Variants in TDP1 observed in about 807,000 individuals in gnomAD.
TDP1 encodes tyr-DNA phosphodiesterase 1.
TDP1 carries 64 observed loss-of-function variants against 81.5 expected under a neutral mutation model. The observed-to-expected ratio is 0.79, with a 90% CI of 0.64 to 0.97. The LOEUF (loss-of-function observed/expected upper bound fraction) is 0.97, where lower values mean the gene tolerates loss of function less well. Among genes scored for constraint, TDP1 ranks in the 50% least tolerant of loss-of-function variants. The pLI, the probability that TDP1 is intolerant of heterozygous loss-of-function variation, is 0.00. For missense variants in TDP1, 723 were observed against 743.8 expected, an observed-to-expected ratio of 0.97 and a Z score of 0.33; for synonymous variants, 256 against 264.3, an observed-to-expected ratio of 0.97 and a Z score of 0.30.
At chr14:89,980,726 TAAG>T in intron 8 of TDP1, 94 bp downstream of exon 8, 1 of 1,084,486 alleles carries the variant, frequency 9.2e-7, no homozygotes, top group Non-Finnish European at 1.4e-6. Context: ...ATTTTTTTTT[TAAG>T]TTGTAAAAAT....
At chr14:89,989,260 G>A in intron 11 of TDP1, 170 bp downstream of exon 11, 1 of 960,828 alleles carries the variant, frequency 1.0e-6, no homozygotes, top group Non-Finnish European at 1.2e-6. Context: ...ATCGTCATTT[G>A]TAATCAAGTT....
chr14:89,986,459 T>G (rs1176514336), intron 10 of TDP1, among the ~76,000 whole-genome samples: 1 of 152,254 alleles, frequency 6.6e-6, no homozygotes, highest in East Asian at 1.9e-4. Context: ...CACAGTTGTT[T>G]GTGGACAAAT....
At chr14:89,980,383 C>G in intron 7 of TDP1, 157 bp from the exon 8 acceptor site, 1 of 912,588 alleles carries the variant, frequency 1.1e-6, no homozygotes, top group Non-Finnish European at 1.3e-6. Context: ...AGACTTTCAT[C>G]ATGGTAATGT....
intron 7 of TDP1, 99 bp from the exon 8 acceptor site, chr14:89,980,440 TA>T (rs1055687040): frequency 2.1e-6 from 3 of 1,433,800 alleles, no homozygotes; most frequent in Non-Finnish European, 1.9e-6. Context: ...TATGAGAGTT[TA>T]AAAAAATTCC....
In TDP1 at chr14:89,971,233, G is replaced by T. The variant is rs1375769921; in HGVS notation, c.718G>T (p.Ala240Ser). ...DKREAKAHLHAQAKPYENISL... is the reference protein window; with the variant it reads ...DKREAKAHLHSQAKPYENISL... Reference sequence around the variant, plus strand: ...GCGAGAGGCTAAGGCTCACCTCCATGCCCAGGCCAAGCCTTACGAGAACAT... The same window carrying T: ...GCGAGAGGCTAAGGCTCACCTCCATTCCCAGGCCAAGCCTTACGAGAACAT... Residue 240 changes from alanine (A) to serine (S), a missense_variant, in exon 6 of 17, where the codon GCC (alanine) becomes TCC (serine). Coordinates refer to ENST00000335725, the MANE Select transcript of TDP1 (RefSeq NM_018319.4). 1 of 1,614,122 alleles carries T rather than the reference G, an allele frequency of 6.2e-7. No individual in the cohort carries two copies. The highest frequency in any genetic ancestry group is 8.5e-7 in the Non-Finnish European group (1 of 1,179,992).
At position 90,043,726 on chromosome 14, in the gene TDP1, A is replaced by G; in HGVS notation, c.*583A>G. ...AAAGTTCTGGATCTTGGAGCAGTTC[A>G]GATTTTCAGATTAGGGATGCTCAAA... On this transcript the variant is annotated 3_prime_UTR_variant, in exon 17 of 17. Transcript: ENST00000335725. 1 of 161,588 alleles carries G rather than the reference A, an allele frequency of 6.2e-6. No individual in the cohort carries two copies. The highest frequency in any genetic ancestry group is 5.9e-5 in the Admixed American group (1 of 16,854). The allele number at this position is 161,588 out of a possible 1,614,324, so 10.0% of individuals were successfully genotyped here.
Position 90,044,231 on chromosome 14 carries a change from A to G in TDP1, c.*1088A>G, listed in dbSNP as rs940924803. 2 of 152,210 alleles carry G rather than the reference A, an allele frequency of 1.3e-5. No individual in the cohort carries two copies. The highest frequency in any genetic ancestry group is 4.8e-5 in the African/African-American group (2 of 41,452). The allele number at this position is 152,210 out of a possible 1,614,324, so 9.4% of individuals were successfully genotyped here. ...CTCATAGAAACATACAAAAGCACAC[A>G]AGTATTTTGGGAAAAAATCCTAAAA... On this transcript the variant is annotated 3_prime_UTR_variant, in exon 17 of 17. Transcript: ENST00000335725.
intron 5 of TDP1, among the ~76,000 whole-genome samples, chr14:89,968,219 A>C (rs1365700703): frequency 6.6e-6 from 1 of 151,952 alleles, no homozygotes; most frequent in Non-Finnish European, 1.5e-5. Flanking sequence ...ATGTAAAAGA[A>C]TATTCAAAAT....
intron 14 of TDP1, among the ~76,000 whole-genome samples, chr14:90,013,328 A>G (rs1321280885): frequency 6.6e-6 from 1 of 152,086 alleles, no homozygotes; most frequent in Non-Finnish European, 1.5e-5. Context: ...TAGCTTCCAT[A>G]ATTCCCATGT....
intron 7 of TDP1, among the ~76,000 whole-genome samples, chr14:89,977,545 G>T (rs193052821): frequency 1.3e-5 from 2 of 152,154 alleles, no homozygotes; most frequent in Non-Finnish European, 2.9e-5. Flanking sequence ...TGATCCACCC[G>T]CCTCGGCCTC....
chr14:89,989,636 T>C (rs1273703366), intron 11 of TDP1, 81 bp from the exon 12 acceptor site: 6 of 1,261,402 alleles, frequency 4.8e-6, no homozygotes, highest in Non-Finnish European at 6.8e-6. Flanking sequence ...TAACAGATTT[T>C]CATTTCCTTA....
chr14:90,032,868 T>G (rs1305174850), intron 15 of TDP1: 3 of 984,874 alleles, frequency 3.0e-6, no homozygotes, highest in Non-Finnish European at 3.6e-6. Flanking sequence ...TGAAAACTTT[T>G]GCAAACTTTG....
intron 14 of TDP1, among the ~76,000 whole-genome samples, chr14:89,998,762 C>T (rs1397893922): frequency 6.6e-6 from 1 of 151,914 alleles, no homozygotes; most frequent in African/African-American, 2.4e-5. Context: ...TGGGAATATG[C>T]TTACTGTGTT....
At chr14:90,001,991 G>A (rs1767333076) in intron 14 of TDP1, among the ~76,000 whole-genome samples, 1 of 152,048 alleles carries the variant, frequency 6.6e-6, no homozygotes, top group Non-Finnish European at 1.5e-5. Context: ...TTTCTGCTTA[G>A]CATCTAACAC....
At chr14:89,972,424 G>A (rs1010479019) in intron 6 of TDP1, among the ~76,000 whole-genome samples, 6 of 152,186 alleles carry the variant, frequency 3.9e-5, no homozygotes, top group African/African-American at 1.4e-4. Flanking sequence ...CAACATTGGG[G>A]ATTATAATTT....
intron 14 of TDP1, among the ~76,000 whole-genome samples, chr14:90,000,912 G>T (rs1402158723): frequency 6.6e-6 from 1 of 152,202 alleles, no homozygotes; most frequent in Non-Finnish European, 1.5e-5. Context: ...CAACCCCGCA[G>T]CATGACTGCT....
In TDP1 at chr14:90,015,806, T is replaced by C. The variant is rs28379380; in HGVS notation, c.1542-3510T>C. On this transcript the variant is annotated intron_variant, in intron 14 of 16. Transcript: ENST00000335725. ...AGCCCCTGCTCCTGACACCATCACATTGGGGGTTAGGATTTCAACATATGA... is the reference window on the plus strand; with the variant it reads ...AGCCCCTGCTCCTGACACCATCACACTGGGGGTTAGGATTTCAACATATGA... Among the ~76,000 whole-genome samples, 287 of 152,214 alleles carry C rather than the reference T, an allele frequency of 1.9e-3. 1 individual carries two copies. The highest frequency in any genetic ancestry group is 6.5e-3 in the African/African-American group (272 of 41,528).
intron 2 of TDP1, among the ~76,000 whole-genome samples, chr14:89,960,316 C>A (rs1244917876): frequency 1.3e-5 from 2 of 151,638 alleles, no homozygotes; most frequent in African/African-American, 4.9e-5. Context: ...ATTTAAAAAA[C>A]CACCTCTGAG....
intron 8 of TDP1, 33 bp from the exon 9 acceptor site, chr14:89,984,483 C>T: frequency 1.2e-6 from 2 of 1,613,412 alleles, no homozygotes; most frequent in Non-Finnish European, 1.7e-6. Flanking sequence ...CAGTTGTGTG[C>T]CTGACTGTTA....
Sources: allele counts gnomAD v4.1 joint callset (sites outside exome capture counted in the v4.1 genomes callset), GRCh38; gene constraint gnomAD v4.1.1; transcripts MANE v1.5; gene names NCBI Gene and HGNC (gene_info 2026-07-23, HGNC 2026-07-21).